EPCIP: variants seen among roughly 807,000 people sequenced by gnomAD.
EPCIP encodes the protein exosomal polycystin 1 interacting protein.
At chr21:32,811,466 C>T in the EPCIP span, among the ~76,000 whole-genome samples, 1 of 152,098 alleles carries the variant, frequency 6.6e-6, no homozygotes, top group African/African-American at 2.4e-5. Context: ...CATGGGTACT[C>T]AGGGAGGTTA....
the EPCIP span, among the ~76,000 whole-genome samples, chr21:32,804,682 A>C: frequency 5.3e-5 from 8 of 152,174 alleles, no homozygotes; most frequent in African/African-American, 1.9e-4. Flanking sequence ...GAGAACAAGC[A>C]CAGCGTAAAA....
At chr21:32,797,001 G>T in the EPCIP span, 1 of 389,308 alleles carries the variant, frequency 2.6e-6, no homozygotes, top group Non-Finnish European at 5.3e-6. Flanking sequence ...AAAGGATATT[G>T]GTTTGCGGAA....
At chr21:32,794,312 T>C in the EPCIP span, 1 of 1,614,256 alleles carries the variant, frequency 6.2e-7, no homozygotes, top group South Asian at 1.1e-5. Flanking sequence ...AATGGTGTTT[T>C]CCCTTGTGAA....
At chr21:32,803,831 G>A in the EPCIP span, among the ~76,000 whole-genome samples, 1 of 152,108 alleles carries the variant, frequency 6.6e-6, no homozygotes, top group Non-Finnish European at 1.5e-5. Flanking sequence ...ATTTTCACAG[G>A]CCCTTGCAAG....
the EPCIP span, among the ~76,000 whole-genome samples, chr21:32,802,660 A>G: frequency 1.3e-5 from 2 of 152,194 alleles, no homozygotes; most frequent in African/African-American, 4.8e-5. Context: ...GATGGAGAGA[A>G]CCAAGAATGT....
chr21:32,806,315 C>A, the EPCIP span, among the ~76,000 whole-genome samples: 1 of 152,214 alleles, frequency 6.6e-6, no homozygotes, highest in Admixed American at 6.5e-5. Context: ...GGGGCTACCC[C>A]TGGATTTTGC....
chr21:32,804,664 A>T, the EPCIP span, among the ~76,000 whole-genome samples: 1 of 152,120 alleles, frequency 6.6e-6, no homozygotes, highest in Non-Finnish European at 1.5e-5. Flanking sequence ...CAAACATTTG[A>T]CTAGACAGAG....
At chr21:32,800,825 A>G in the EPCIP span, among the ~76,000 whole-genome samples, 8 of 151,002 alleles carry the variant, frequency 5.3e-5, no homozygotes, top group Non-Finnish European at 1.0e-4. Context: ...AAAAAAACCA[A>G]AAAAAAAAAA....
the EPCIP span, among the ~76,000 whole-genome samples, chr21:32,802,057 G>T: frequency 6.6e-6 from 1 of 152,142 alleles, no homozygotes; most frequent in Non-Finnish European, 1.5e-5. Context: ...CATGAGGCTG[G>T]GGATGTAGGC....
the EPCIP span, among the ~76,000 whole-genome samples, chr21:32,795,355 T>C: frequency 6.6e-6 from 1 of 152,148 alleles, no homozygotes; most frequent in African/African-American, 2.4e-5. Context: ...CAGTTTTGGG[T>C]AAAAGCCCTA....
chr21:32,809,182 CGTGT>C, the EPCIP span, among the ~76,000 whole-genome samples: 4,716 of 121,090 alleles, frequency 0.039, 214 homozygotes, highest in African/African-American at 0.1. Context: ...TCGAGGGGTG[CGTGT>C]GTGTGTGTGT....
chr21:32,806,433 C>G, the EPCIP span, among the ~76,000 whole-genome samples: 4 of 152,152 alleles, frequency 2.6e-5, no homozygotes, highest in African/African-American at 9.7e-5. Context: ...TGCGCATAGG[C>G]AAGACCCCTG....
the EPCIP span, among the ~76,000 whole-genome samples, chr21:32,809,558 A>G: frequency 6.6e-6 from 1 of 151,746 alleles, no homozygotes; most frequent in Non-Finnish European, 1.5e-5. Flanking sequence ...TTGTAGAGAC[A>G]CAGACTCACT....
chr21:32,811,122 T>C, the EPCIP span, among the ~76,000 whole-genome samples: 3 of 152,034 alleles, frequency 2.0e-5, no homozygotes, highest in African/African-American at 7.2e-5. Context: ...CAGGTAGATA[T>C]TATGGCCCCC....
the EPCIP span, chr21:32,794,504 C>A: frequency 7.7e-7 from 1 of 1,297,020 alleles, no homozygotes; most frequent in African/African-American, 1.5e-5. Context: ...AAAGAGGCAG[C>A]TTTATCACAA....
chr21:32,794,112 G>A, the EPCIP span: 1 of 1,614,216 alleles, frequency 6.2e-7, no homozygotes. Flanking sequence ...CACAGGGAAA[G>A]CTTCAGGTCT....
chr21:32,794,305 G>T, the EPCIP span: 1 of 1,614,244 alleles, frequency 6.2e-7, no homozygotes, highest in Non-Finnish European at 8.5e-7. Flanking sequence ...AGTTCCGAAT[G>T]GTGTTTTCCC....
At chr21:32,798,564 T>G in the EPCIP span, 1 of 152,294 alleles carries the variant, frequency 6.6e-6, no homozygotes, top group Admixed American at 6.5e-5. Context: ...TCGTGAGCTG[T>G]GATTTCACTG....
chr21:32,798,953 A>T, the EPCIP span: 1 of 152,176 alleles, frequency 6.6e-6, no homozygotes. Context: ...ACAGAGTGAG[A>T]CTTTGCAACC....
Sources: allele counts gnomAD v4.1 joint callset (sites outside exome capture counted in the v4.1 genomes callset), GRCh38; gene constraint gnomAD v4.1.1; transcripts MANE v1.5; gene names NCBI Gene and HGNC (gene_info 2026-07-23, HGNC 2026-07-21).